FOXC2: variants seen among roughly 807,000 people sequenced by gnomAD.
FOXC2 encodes the protein forkhead box C2.
A neutral mutation model predicts 7.2 loss-of-function variants in FOXC2; 7 were observed. The observed-to-expected ratio is 0.97, with a 90% CI of 0.55 to 1.81. FOXC2 has a LOEUF of 1.81. Among genes scored for constraint, FOXC2 ranks in the 40% most tolerant of loss-of-function variants. The pLI, the probability that FOXC2 is intolerant of heterozygous loss-of-function variation, is 0.00. For synonymous variants in FOXC2, 436 were observed against 350.4 expected (o/e 1.24, Z -2.73); for missense variants, 846 against 741.2 (o/e 1.14, Z -1.64).
chr16:86,568,232 G>T lies in FOXC2; in HGVS notation c.897G>T (p.Pro299=), dbSNP rs762234991. ...PGAGRAGLVV[P]PLALPYAAAP... ...CCGGACGCGCGGGCCTGGTGGTGCC[G>T]CCGCTGGCGCTGCCCTACGCCGCCG... The change falls in exon 1 of 1, where the codon CCG becomes CCT. Residue 299 remains proline, a synonymous_variant. Transcript: ENST00000649859. This position sits in a 1 kb window ranked among gnomAD's most constrained non-coding sequence, Gnocchi z 5.2. The T allele has an allele frequency of 1.3e-5, 17 of 1,273,602 alleles. No individual in the cohort carries two copies. The East Asian group carries it at 4.6e-4, about 35-fold the overall frequency. The allele number at this position is 1,273,602 out of a possible 1,614,324, so 78.9% of individuals were successfully genotyped here.
rs1974224089 is a variant in FOXC2, at chr16:86,568,045, T to G, written c.710T>G (p.Leu237Arg). 5.4e-6 allele frequency: 8 copies of G among 1,468,486 alleles called. No homozygotes were observed. The highest frequency in any genetic ancestry group is 7.1e-6 in the Non-Finnish European group (8 of 1,120,994). The allele number at this position is 1,468,486 out of a possible 1,614,324, so 91.0% of individuals were successfully genotyped here. Reference protein sequence around the residue: ...KVETLSPESALQGSPRSAAST... With the variant: ...KVETLSPESARQGSPRSAAST... ...GAGACGCTGAGCCCCGAGAGCGCGC[T>G]GCAGGGCAGCCCGCGCAGCGCGGCC... The change falls in exon 1 of 1, where the codon CTG becomes CGG. Residue 237 changes from leucine (L) to arginine (R), a missense_variant. By Grantham distance (102) the Leu-to-Arg change is moderately radical. Coordinates refer to ENST00000649859, the MANE Select transcript of FOXC2 (RefSeq NM_005251.3). The surrounding 1 kb of genome is among the most constrained non-coding windows in gnomAD (Gnocchi z 5.2).
rs1006060857 is a variant in FOXC2 at position 86,568,055 on chromosome 16, C to T, written c.720C>T (p.Ser240=). The T allele has an allele frequency of 4.1e-6, 6 of 1,452,492 alleles. No individual in the cohort carries two copies. The highest frequency in any genetic ancestry group is 5.8e-5 in the Admixed American group (2 of 34,412). 90.0% of individuals were successfully genotyped at this position (1,452,492 alleles called of 1,614,324 possible). Residue 240 remains serine (S), a synonymous_variant, in exon 1 of 1, where the codon AGC becomes AGT. Coordinates refer to ENST00000649859, the MANE Select transcript of FOXC2 (RefSeq NM_005251.3). This position sits in a 1 kb window ranked among gnomAD's most constrained non-coding sequence, Gnocchi z 5.2. The stretch of plus-strand genomic sequence containing the variant: ...GCCCCGAGAGCGCGCTGCAGGGCAG[C>T]CCGCGCAGCGCGGCCTCCACGCCCG... ...TLSPESALQG[S]PRSAASTPAG... is the part of the protein sequence containing the mutation.
rs1974206475 is a variant in FOXC2, at chr16:86,567,166, C to T, written c.-170C>T. ...GCGCGCCCCTGCTCGGCCCGAGCGC[C>T]GCCGCCCGCGCACCCTCGCCCCGGA... On this transcript the variant is annotated 5_prime_UTR_variant, in exon 1 of 1. Coordinates refer to ENST00000649859, the MANE Select transcript of FOXC2 (RefSeq NM_005251.3). 2 of 675,500 alleles carry T rather than the reference C, an allele frequency of 3.0e-6. No homozygotes were observed. Among genetic ancestry groups the T allele is most frequent in the Non-Finnish European group, 4.7e-6 (2 of 430,056 alleles). 41.8% of individuals were successfully genotyped at this position (675,500 alleles called of 1,614,324 possible).
Position 86,567,921 on chromosome 16 carries a change from G to A in FOXC2, c.586G>A (p.Ala196Thr). The A allele has an allele frequency of 1.3e-6, 2 of 1,574,090 alleles. No homozygotes were observed. Reference sequence around the variant, plus strand: ...CCCGGCGGCGTCCAAGGGCGCCCCGGCCACCCCCCACCTAGCGGACGCCCC... The same window carrying A: ...CCCGGCGGCGTCCAAGGGCGCCCCGACCACCCCCCACCTAGCGGACGCCCC... ...PPPAASKGAP[A>T]TPHLADAPKE... The change falls in exon 1 of 1, where the codon GCC becomes ACC. Residue 196 changes from alanine to threonine, a missense_variant. Coordinates refer to ENST00000649859, the MANE Select transcript of FOXC2 (RefSeq NM_005251.3).
chr16:86,568,130 C>A lies in FOXC2; in HGVS notation c.795C>A (p.Asn265Lys). ...SLPEHHAAAP[N>K]GLPGFSVENI... ...CGGAGCACCACGCCGCGGCGCCCAA[C>A]GGGCTGCCTGGCTTCAGCGTGGAGA... The change falls in exon 1 of 1, where the codon AAC becomes AAA. Residue 265 changes from asparagine (N) to lysine (K), a missense_variant. Physicochemically the swap from Asn to Lys is moderately conservative, Grantham distance 94. This residue lies in a region of FOXC2 where 640 missense variants were observed against 503.2 expected (regional missense o/e 1.27). Coordinates refer to ENST00000649859, the MANE Select transcript of FOXC2 (RefSeq NM_005251.3). The surrounding 1 kb of genome is among the most constrained non-coding windows in gnomAD (Gnocchi z 5.2). The A allele has an allele frequency of 8.9e-6, 12 of 1,352,660 alleles. No homozygotes were observed. The highest frequency in any genetic ancestry group is 1.1e-5 in the Non-Finnish European group (12 of 1,060,740). 83.8% of individuals were successfully genotyped at this position (1,352,660 alleles called of 1,614,324 possible).
Position 86,568,625 on chromosome 16 carries a change from G to T in FOXC2, c.1290G>T (p.Gly430=), listed in dbSNP as rs1449997439. The change falls in exon 1 of 1, where the codon GGG becomes GGT. Residue 430 remains glycine, a synonymous_variant. Coordinates refer to ENST00000649859, the MANE Select transcript of FOXC2 (RefSeq NM_005251.3). This position sits in a 1 kb window ranked among gnomAD's most constrained non-coding sequence, Gnocchi z 5.2. ...QAASWYLNHS[G]DLNHLPGHTF... is the part of the protein sequence containing the mutation. ...CCTCCTGGTATCTCAACCACAGCGG[G>T]GACCTGAACCACCTCCCCGGCCACA... is the stretch of plus-strand genomic sequence containing the variant. 6.2e-7 allele frequency: 1 copy of T among 1,612,356 alleles called. No homozygotes were observed. The highest frequency in any genetic ancestry group is 1.7e-5 in the Admixed American group (1 of 60,004).
In FOXC2 at chr16:86,568,699, A is replaced by G. The variant is rs138612549; in HGVS notation, c.1364A>G (p.Asn455Ser). 150 of 1,612,286 alleles carry G rather than the reference A, an allele frequency of 9.3e-5. 1 individual carries two copies. The African/African-American group carries it at 1.8e-3, about 19-fold the overall frequency. Residue 455 changes from asparagine (N) to serine (S), a missense_variant, in exon 1 of 1, where the codon AAC becomes AGC. Physicochemically the swap from Asn to Ser is conservative, Grantham distance 46. Coordinates refer to ENST00000649859, the MANE Select transcript of FOXC2 (RefSeq NM_005251.3). This position sits in a 1 kb window ranked among gnomAD's most constrained non-coding sequence, Gnocchi z 5.2. ...TTCCCCAACGTGCGGGAGATGTTCA[A>G]CTCCCACCGGCTGGGGATTGAGAAC... ...QTFPNVREMF[N>S]SHRLGIENST...
chr16:86,567,538 A>G lies in FOXC2; in HGVS notation c.203A>G (p.Lys68Arg). ...CACCACCACCAGCCCGCGGCGCCTAAGGACCTGGTGAAGCCGCCCTACAGC... is the reference window on the plus strand; with the variant it reads ...CACCACCACCAGCCCGCGGCGCCTAGGGACCTGGTGAAGCCGCCCTACAGC... ...PYHHHQPAAP[K>R]DLVKPPYSYI... Residue 68 changes from lysine to arginine, a missense_variant, in exon 1 of 1, where the codon AAG becomes AGG. Lys to Arg is a conservative substitution (Grantham distance 26, BLOSUM62 2). This residue lies in a region of FOXC2 where 154 missense variants were observed against 134.2 expected (regional missense o/e 1.15). Coordinates refer to ENST00000649859, the MANE Select transcript of FOXC2 (RefSeq NM_005251.3). The G allele has an allele frequency of 6.2e-7, 1 of 1,614,068 alleles. No individual in the cohort carries two copies. The highest frequency in any genetic ancestry group is 8.5e-7 in the Non-Finnish European group (1 of 1,180,010).
In FOXC2 at chr16:86,569,581, G is replaced by C. The variant is rs1466096470; in HGVS notation, c.*740G>C. 1 of 164,134 alleles carries C rather than the reference G, an allele frequency of 6.1e-6. No individual in the cohort carries two copies. The highest frequency in any genetic ancestry group is 1.5e-5 in the Non-Finnish European group (1 of 67,920). The allele number at this position is 164,134 out of a possible 1,614,324, so 10.2% of individuals were successfully genotyped here. On this transcript the variant is annotated 3_prime_UTR_variant, in exon 1 of 1. Coordinates refer to ENST00000649859, the MANE Select transcript of FOXC2 (RefSeq NM_005251.3). ...TACTTTTTATTTACAAAGTGTGATG[G>C]TTTTGTATAGTAGGTTCCACCCTGA...
Position 86,568,359 on chromosome 16 carries a change from G to A in FOXC2, c.1024G>A (p.Ala342Thr), listed in dbSNP as rs745358132. 177 of 1,374,510 alleles carry A rather than the reference G, an allele frequency of 1.3e-4. No individual in the cohort carries two copies. The highest frequency in any genetic ancestry group is 7.7e-5 in the Non-Finnish European group (82 of 1,058,718). The allele number at this position is 1,374,510 out of a possible 1,614,324, so 85.1% of individuals were successfully genotyped here. A position where few individuals can be genotyped will look rare whatever the true frequency, so the allele number is the denominator to read the frequency against. ...SMRAMSLYTG[A>T]ERPAHMCVPP... The stretch of plus-strand genomic sequence containing the variant: ...GCGAGCGATGAGCCTGTACACCGGG[G>A]CCGAGCGGCCGGCGCACATGTGCGT... The change falls in exon 1 of 1, where the codon GCC becomes ACC. Residue 342 changes from alanine (A) to threonine (T), a missense_variant. Coordinates refer to ENST00000649859, the MANE Select transcript of FOXC2 (RefSeq NM_005251.3). This position sits in a 1 kb window ranked among gnomAD's most constrained non-coding sequence, Gnocchi z 5.2.
In FOXC2 at chr16:86,568,703, C is replaced by T. The variant is rs780301243; in HGVS notation, c.1368C>T (p.Ser456=). 5 of 1,612,818 alleles carry T rather than the reference C, an allele frequency of 3.1e-6. No individual in the cohort carries two copies. The African/African-American group carries it at 5.3e-5, about 17-fold the overall frequency. The stretch of plus-strand genomic sequence containing the variant: ...CCAACGTGCGGGAGATGTTCAACTC[C>T]CACCGGCTGGGGATTGAGAACTCGA... ...TFPNVREMFN[S]HRLGIENSTL... The change falls in exon 1 of 1, where the codon TCC becomes TCT. Residue 456 remains serine (S), a synonymous_variant. Coordinates refer to ENST00000649859, the MANE Select transcript of FOXC2 (RefSeq NM_005251.3). This position sits in a 1 kb window ranked among gnomAD's most constrained non-coding sequence, Gnocchi z 5.2.
At position 86,568,342 on chromosome 16, in the gene FOXC2, T is replaced by A. The variant is rs2144020277; in HGVS notation, c.1007T>A (p.Met336Lys). The A allele has an allele frequency of 3.0e-6, 4 of 1,337,386 alleles. No homozygotes were observed. The East Asian group carries it at 1.2e-4, about 41-fold the overall frequency. The allele number at this position is 1,337,386 out of a possible 1,614,324, so 82.8% of individuals were successfully genotyped here. The change falls in exon 1 of 1, where the codon ATG becomes AAG. Residue 336 changes from methionine to lysine, a missense_variant. Around this residue, in one of 3 missense-constraint regions of FOXC2, gnomAD observed 640 missense variants for 503.2 expected, o/e 1.27. Coordinates refer to ENST00000649859, the MANE Select transcript of FOXC2 (RefSeq NM_005251.3). The surrounding 1 kb of genome is among the most constrained non-coding windows in gnomAD (Gnocchi z 5.2). ...AGGYQCSMRA[M>K]SLYTGAERPA... ...GGCTACCAGTGCAGCATGCGAGCGATGAGCCTGTACACCGGGGCCGAGCGG... is the reference window on the plus strand; with the variant it reads ...GGCTACCAGTGCAGCATGCGAGCGAAGAGCCTGTACACCGGGGCCGAGCGG...
rs1974246842 is a variant in FOXC2 at position 86,569,038 on chromosome 16, GC to G, written c.*201del. ...AGAGCGCAGGTAACTTTAATTCGCC[GC>G]CCCGTTTCTGGGATCCCAGGAAACC... On this transcript the variant is annotated 3_prime_UTR_variant, in exon 1 of 1. Coordinates refer to ENST00000649859, the MANE Select transcript of FOXC2 (RefSeq NM_005251.3). 1.5e-6 allele frequency: 1 copy of G among 689,196 alleles called. No individual in the cohort carries two copies. Among genetic ancestry groups the G allele is most frequent in the African/African-American group, 1.8e-5 (1 of 55,458 alleles). 42.7% of individuals were successfully genotyped at this position (689,196 alleles called of 1,614,324 possible).
In FOXC2 at chr16:86,567,169, C is replaced by T; in HGVS notation, c.-167C>T. 1 of 694,288 alleles carries T rather than the reference C, an allele frequency of 1.4e-6. No homozygotes were observed. Among genetic ancestry groups the T allele is most frequent in the South Asian group, 2.1e-5 (1 of 46,648 alleles). 43.0% of individuals were successfully genotyped at this position (694,288 alleles called of 1,614,324 possible). On this transcript the variant is annotated 5_prime_UTR_variant, in exon 1 of 1. Transcript: ENST00000649859. Reference sequence around the variant, plus strand: ...CGCCCCTGCTCGGCCCGAGCGCCGCCGCCCGCGCACCCTCGCCCCGGAGGC... The same window carrying T: ...CGCCCCTGCTCGGCCCGAGCGCCGCTGCCCGCGCACCCTCGCCCCGGAGGC...
chr16:86,568,019 G>A lies in FOXC2; in HGVS notation c.684G>A (p.Val228=). The part of the protein sequence containing the change: ...ASPALPVITK[V]ETLSPESALQ... ...CGGCGCTGCCGGTCATCACCAAGGT[G>A]GAGACGCTGAGCCCCGAGAGCGCGC... The change falls in exon 1 of 1, where the codon GTG becomes GTA. Residue 228 remains valine, a synonymous_variant. Coordinates refer to ENST00000649859, the MANE Select transcript of FOXC2 (RefSeq NM_005251.3). The surrounding 1 kb of genome is among the most constrained non-coding windows in gnomAD (Gnocchi z 5.2). 5 of 1,483,836 alleles carry A rather than the reference G, an allele frequency of 3.4e-6. No individual in the cohort carries two copies. Among genetic ancestry groups the A allele is most frequent in the Non-Finnish European group, 4.4e-6 (5 of 1,129,854 alleles). 91.9% of individuals were successfully genotyped at this position (1,483,836 alleles called of 1,614,324 possible). A position where few individuals can be genotyped will look rare whatever the true frequency, so the allele number is the denominator to read the frequency against.
In FOXC2 at chr16:86,567,668, G is replaced by A; in HGVS notation, c.333G>A (p.Glu111=). ...FIMDRFPFYR[E]NKQGWQNSIR... ...TGGACCGCTTCCCCTTCTACCGGGAGAACAAGCAGGGCTGGCAGAACAGCA... is the reference window on the plus strand; with the variant it reads ...TGGACCGCTTCCCCTTCTACCGGGAAAACAAGCAGGGCTGGCAGAACAGCA... Residue 111 remains glutamate, a synonymous_variant, in exon 1 of 1, where the codon GAG becomes GAA. Coordinates refer to ENST00000649859, the MANE Select transcript of FOXC2 (RefSeq NM_005251.3). 5.6e-6 allele frequency: 9 copies of A among 1,614,202 alleles called. No homozygotes were observed. The highest frequency in any genetic ancestry group is 7.6e-6 in the Non-Finnish European group (9 of 1,180,036).
rs750901158 is a variant in FOXC2 at position 86,568,830 on chromosome 16, A to G, written c.1495A>G (p.Thr499Ala). ...RHAAPYSYDC[T>A]KY ...CGCAGCCCCCTACTCCTACGACTGC[A>G]CGAAATACTGACGTGTCCCGGGACC... Residue 499 changes from threonine to alanine, a missense_variant, in exon 1 of 1, where the codon ACG becomes GCG. Around this residue, in one of 3 missense-constraint regions of FOXC2, gnomAD observed 640 missense variants for 503.2 expected, o/e 1.27. Transcript: ENST00000649859. The surrounding 1 kb of genome is among the most constrained non-coding windows in gnomAD (Gnocchi z 5.2). The G allele has an allele frequency of 2.5e-6, 4 of 1,612,670 alleles. No homozygotes were observed. Among genetic ancestry groups the G allele is most frequent in the East Asian group, 2.2e-5 (1 of 44,880 alleles).
chr16:86,568,040 C>G lies in FOXC2; in HGVS notation c.705C>G (p.Ser235Arg). 6.1e-6 allele frequency: 9 copies of G among 1,474,482 alleles called. No homozygotes were observed. Among genetic ancestry groups the G allele is most frequent in the Non-Finnish European group, 7.1e-6 (8 of 1,123,768 alleles). The allele number at this position is 1,474,482 out of a possible 1,614,324, so 91.3% of individuals were successfully genotyped here. The change falls in exon 1 of 1, where the codon AGC (serine) becomes AGG (arginine). Residue 235 changes from serine to arginine, a missense_variant. Ser to Arg is a moderately radical substitution (Grantham distance 110, BLOSUM62 -1). Around this residue, in one of 3 missense-constraint regions of FOXC2, gnomAD observed 640 missense variants for 503.2 expected, o/e 1.27. Coordinates refer to ENST00000649859, the MANE Select transcript of FOXC2 (RefSeq NM_005251.3). This position sits in a 1 kb window ranked among gnomAD's most constrained non-coding sequence, Gnocchi z 5.2. Reference protein sequence around the residue: ...ITKVETLSPESALQGSPRSAA... With the variant: ...ITKVETLSPERALQGSPRSAA... ...AGGTGGAGACGCTGAGCCCCGAGAG[C>G]GCGCTGCAGGGCAGCCCGCGCAGCG... is the stretch of plus-strand genomic sequence containing the variant.
In FOXC2 at chr16:86,568,464, G is replaced by C. The variant is rs1461111009; in HGVS notation, c.1129G>C (p.Gly377Arg). The C allele has an allele frequency of 2.3e-6, 3 of 1,323,896 alleles. No homozygotes were observed. Among genetic ancestry groups the C allele is most frequent in the Admixed American group, 3.0e-5 (1 of 33,446 alleles). The allele number at this position is 1,323,896 out of a possible 1,614,324, so 82.0% of individuals were successfully genotyped here. ...SPLSALNLAA[G>R]QEGALAATGH... ...CCTGAGCGCTCTCAACCTCGCCGCC[G>C]GCCAGGAGGGCGCGCTCGCCGCCAC... The change falls in exon 1 of 1, where the codon GGC becomes CGC. Residue 377 changes from glycine (G) to arginine (R), a missense_variant. Around this residue, in one of 3 missense-constraint regions of FOXC2, gnomAD observed 640 missense variants for 503.2 expected, o/e 1.27. Transcript: ENST00000649859. The surrounding 1 kb of genome is among the most constrained non-coding windows in gnomAD (Gnocchi z 5.2).
Sources: allele counts gnomAD v4.1 joint callset, GRCh38; gene constraint gnomAD v4.1.1; regional missense constraint gnomAD v4.1.1; non-coding constraint Gnocchi (gnomAD v3.1); transcripts MANE v1.5; gene names NCBI Gene and HGNC (gene_info 2026-07-23, HGNC 2026-07-21).